The following ASMT variants were observed in gnomAD, a reference collection of about 807,000 sequenced individuals.
ASMT encodes the protein acetylserotonin O-methyltransferase, also known as acetylserotonin N-methyltransferase.
Under a neutral mutation model 41.3 loss-of-function variants are expected in ASMT, and 53 were observed. The ratio of observed to expected loss-of-function variants is 1.28; its 90% CI spans 1.03 to 1.61. The LOEUF (loss-of-function observed/expected upper bound fraction) is 1.61, where lower values mean the gene tolerates loss of function less well. ASMT is among the 40% of genes most tolerant of loss of function. The pLI is 0.00. For synonymous variants in ASMT, 231 were observed against 184.8 expected (o/e 1.25, Z -2.03); for missense variants, 531 against 441.3 (o/e 1.20, Z -1.82).
chrX:1,622,013 C>T (rs1231861679), intron 1 of ASMT, among the ~76,000 whole-genome samples: 13 of 140,918 alleles, frequency 9.2e-5, no homozygotes, highest in African/African-American at 2.4e-4. Flanking sequence ...TTTTTTGAGA[C>T]GGAGTCTCAC....
intron 8 of ASMT, among the ~76,000 whole-genome samples, chrX:1,636,904 GC>G (rs1934989877): frequency 7.1e-6 from 1 of 141,762 alleles, no homozygotes; most frequent in Non-Finnish European, 1.6e-5. Context: ...GAGGATGTGG[GC>G]ACAGCCTCTG....
chrX:1,631,909 C>T (rs775775539), intron 5 of ASMT, among the ~76,000 whole-genome samples: 5 of 152,160 alleles, frequency 3.3e-5, no homozygotes, highest in African/African-American at 1.2e-4. Flanking sequence ...CTTAGCCAGG[C>T]ATGACAGTAG....
intron 8 of ASMT, among the ~76,000 whole-genome samples, chrX:1,637,101 C>G (rs1413281696): frequency 1.7e-5 from 2 of 118,418 alleles, no homozygotes; most frequent in East Asian, 4.7e-4. Context: ...GACTGTGTCC[C>G]AGCTCTCCTG....
intron 3 of ASMT, among the ~76,000 whole-genome samples, chrX:1,626,101 G>A (rs1290306178): frequency 6.6e-6 from 1 of 151,916 alleles, no homozygotes; most frequent in Non-Finnish European, 1.5e-5. Context: ...GTTCTCTCCT[G>A]GATCAGAAAA....
chrX:1,635,798 G>A (rs192270277), intron 7 of ASMT, among the ~76,000 whole-genome samples: 2 of 151,828 alleles, frequency 1.3e-5, no homozygotes, highest in Admixed American at 1.3e-4. Flanking sequence ...GGAGGTGGAG[G>A]TTGCGGTGAG....
At chrX:1,624,242 T>C (rs1166557239) in intron 2 of ASMT, 27 bp from the exon 3 acceptor site, 3 of 1,613,786 alleles carry the variant, frequency 1.9e-6, no homozygotes, top group Non-Finnish European at 2.5e-6. Context: ...TCACTGCTTT[T>C]TCCCTGTTTT....
chrX:1,619,606 GA>G (rs777099089), intron 1 of ASMT, among the ~76,000 whole-genome samples: 52 of 135,570 alleles, frequency 3.8e-4, no homozygotes, highest in East Asian at 6.3e-4. Flanking sequence ...TTTGGGAGCA[GA>G]AAAAAAAAAA....
At chrX:1,623,462 G>T in intron 2 of ASMT, 149 bp downstream of exon 2, 2 of 980,334 alleles carry the variant, frequency 2.0e-6, no homozygotes, top group Non-Finnish European at 3.1e-6. Context: ...AGCCGGGTGT[G>T]GTGGCGTGCA....
intron 1 of ASMT, among the ~76,000 whole-genome samples, chrX:1,616,081 T>G (rs1265857548): frequency 6.6e-6 from 1 of 151,604 alleles, no homozygotes; most frequent in African/African-American, 2.4e-5. Flanking sequence ...CAGGCTGGAG[T>G]GCAGTGGCAC....
chrX:1,619,393 CAAA>C (rs752048500), intron 1 of ASMT, among the ~76,000 whole-genome samples: 2 of 84,608 alleles, frequency 2.4e-5, no homozygotes, highest in Non-Finnish European at 2.7e-5. Flanking sequence ...GACCCTGTCT[CAAA>C]AAAAAAAAAA....
At chrX:1,617,597 C>T (rs181966195) in intron 1 of ASMT, among the ~76,000 whole-genome samples, 2,136 of 151,440 alleles carry the variant, frequency 0.014, 54 homozygotes, top group African/African-American at 0.049. Context: ...AGCAAGCCAC[C>T]GGTTTTTTTT....
chrX:1,636,652 C>G, intron 8 of ASMT, 92 bp downstream of exon 8: 2 of 1,599,936 alleles, frequency 1.3e-6, no homozygotes, highest in South Asian at 2.2e-5. Flanking sequence ...GAAATCATCC[C>G]ACAGGTAAGG....
intron 3 of ASMT, among the ~76,000 whole-genome samples, chrX:1,625,677 G>A (rs1441363857): frequency 3.3e-5 from 5 of 151,892 alleles, no homozygotes; most frequent in Non-Finnish European, 4.4e-5. Flanking sequence ...CTGGGTGGCC[G>A]GACGCAGTAG....
rs572365936 is a variant in ASMT at position 1,619,206 on chromosome X, C to T, written c.70-3933C>T. Among the ~76,000 whole-genome samples the T allele has an allele frequency of 5.4e-4, 82 of 151,940 alleles. No homozygotes were observed. In the South Asian group the frequency reaches 0.016, roughly 29 times the overall value. ...GTCAGGAGTTCGAGACCAGCCTGGC[C>T]AATATGGTGAAATCCCATCTCTACT... On this transcript the variant is annotated intron_variant, in intron 1 of 8. Coordinates refer to ENST00000381241, the MANE Select transcript of ASMT (RefSeq NM_001171038.2).
chrX:1,643,034 A>G lies in ASMT; in HGVS notation c.*20A>G. ...AAATAACTGTTTCTTGTGACCTGGA[A>G]CTAACGTCAAAGCACACAAGACATA... On this transcript the variant is annotated 3_prime_UTR_variant, in exon 9 of 9. Coordinates refer to ENST00000381241, the MANE Select transcript of ASMT (RefSeq NM_001171038.2). 1 of 1,611,406 alleles carries G rather than the reference A, an allele frequency of 6.2e-7. No homozygotes were observed. Among genetic ancestry groups the G allele is most frequent in the Non-Finnish European group, 8.5e-7 (1 of 1,177,550 alleles).
rs1569384835 is a variant in ASMT, at chrX:1,637,212, G to GCT, written c.910+652_910+653insCT. ...TCCTGTGAGGTCCATCCATCCTGAT[G>GCT]GCACATGAGGATGTGGACACAGCCT... On this transcript the variant is annotated intron_variant, in intron 8 of 8. Coordinates refer to ENST00000381241, the MANE Select transcript of ASMT (RefSeq NM_001171038.2). 2.2e-4 allele frequency among the ~76,000 whole-genome samples: 7 copies of GCT among 32,072 alleles called. 1 individual carries two copies. Among genetic ancestry groups the GCT allele is most frequent in the Admixed American group, 3.3e-4 (1 of 3,014 alleles). 21.0% of individuals were successfully genotyped at this position (32,072 alleles called of 152,430 possible).
At position 1,629,932 on chromosome X, in the gene ASMT, C is replaced by G; in HGVS notation, c.555C>G (p.Asp185Glu). 3.1e-6 allele frequency: 5 copies of G among 1,613,552 alleles called. No homozygotes were observed. The highest frequency in any genetic ancestry group is 4.2e-6 in the Non-Finnish European group (5 of 1,179,520). ...TGTCAGTGTTCCCACTTATGTGTGA[C>G]CTTGGTGGTAAGTACCCCTCACCAC... Reference protein sequence around the residue: ...FDLSVFPLMCDLGGTWIKLET... With the variant: ...FDLSVFPLMCELGGTWIKLET... The change falls in exon 5 of 9, where the codon GAC becomes GAG. Residue 185 changes from aspartate (D) to glutamate (E), a missense_variant. By Grantham distance (45) the Asp-to-Glu change is conservative. Transcript: ENST00000381241.
chrX:1,641,873 C>CCCAGTG (rs1391598173), intron 8 of ASMT, among the ~76,000 whole-genome samples: 2 of 148,118 alleles, frequency 1.4e-5, no homozygotes, highest in African/African-American at 5.0e-5. Flanking sequence ...GGGACAGTGT[C>CCCAGTG]CCAGTGTCCT....
At position 1,615,116 on chromosome X, in the gene ASMT, C is replaced by G. The variant is rs1191821030; in HGVS notation, c.-84C>G. 1.2e-5 allele frequency: 16 copies of G among 1,295,360 alleles called. No individual in the cohort carries two copies. Among genetic ancestry groups the G allele is most frequent in the Admixed American group, 2.0e-5 (1 of 50,654 alleles). 80.2% of individuals were successfully genotyped at this position (1,295,360 alleles called of 1,614,324 possible). ...AGGCAGCAGCTGTGAGCGGGTGGCT[C>G]TTCCCCACCTTGCCAGCAGGCTCTG... is the stretch of plus-strand genomic sequence containing the variant. On this transcript the variant is annotated 5_prime_UTR_variant, in exon 1 of 9. Transcript: ENST00000381241.
Sources: allele counts gnomAD v4.1 joint callset (sites outside exome capture counted in the v4.1 genomes callset), GRCh38; gene constraint gnomAD v4.1.1; transcripts MANE v1.5; gene names NCBI Gene and HGNC (gene_info 2026-07-23, HGNC 2026-07-21).